Variants in INPP5F observed in about 807,000 individuals in gnomAD.
INPP5F encodes the protein inositol polyphosphate-5-phosphatase F.
INPP5F carries 97 observed loss-of-function variants against 137.2 expected under a neutral mutation model. The ratio of observed to expected loss-of-function variants is 0.71; its 90% confidence interval spans 0.60 to 0.84. The LOEUF (loss-of-function observed/expected upper bound fraction) is 0.84, where lower values mean the gene tolerates loss of function less well. Ranked by LOEUF, INPP5F falls within the 40% of genes least tolerant of loss-of-function variation. INPP5F has a pLI of 0.00. For missense variants in INPP5F, 1,271 were observed against 1,371.9 expected (o/e 0.93, Z 1.16); for synonymous variants, 504 against 476.9 (o/e 1.06, Z -0.74).
intron 1 of INPP5F, among the ~76,000 whole-genome samples, chr10:119,733,244 T>C (rs952947161): frequency 6.6e-6 from 1 of 152,080 alleles, no homozygotes; most frequent in Non-Finnish European, 1.5e-5. Flanking sequence ...GATAACTAGT[T>C]TGTTTGTTGA....
In INPP5F at chr10:119,823,065, T is replaced by C. The variant is rs776896221; in HGVS notation, c.2033-6T>C. 34 of 1,605,842 alleles carry C rather than the reference T, an allele frequency of 2.1e-5. No homozygotes were observed. In the South Asian group the frequency reaches 3.8e-4, roughly 18 times the overall value. ...TAACTTTATACGTATTCATTTGGGA[T>C]TTTAGGCCCTGAACCCACTCTTTTT... On this transcript the variant is annotated splice_region_variant and splice_polypyrimidine_tract_variant and intron_variant, in intron 17 of 19. Transcript: ENST00000650623.
chr10:119,763,962 GTCCAATAAC>G (rs1849080810), intron 2 of INPP5F, among the ~76,000 whole-genome samples: 2 of 152,134 alleles, frequency 1.3e-5, no homozygotes, highest in African/African-American at 4.8e-5. Context: ...TCTCCATATT[GTCCAATAAC>G]ACGTTCCTTA....
chr10:119,771,486 C>G (rs1007366313), intron 2 of INPP5F, among the ~76,000 whole-genome samples: 3 of 152,066 alleles, frequency 2.0e-5, no homozygotes, highest in African/African-American at 4.8e-5. Context: ...GCCTCCCTCA[C>G]TCCTCTGTCC....
At position 119,806,326 on chromosome 10, in the gene INPP5F, T is replaced by C. The variant is rs572263958; in HGVS notation, c.1320-34T>C. 7 of 1,400,534 alleles carry C rather than the reference T, an allele frequency of 5.0e-6. No individual in the cohort carries two copies. In the African/African-American group the frequency reaches 8.7e-5, roughly 17 times the overall value. 86.8% of individuals were successfully genotyped at this position (1,400,534 alleles called of 1,614,324 possible). On this transcript the variant is annotated intron_variant, in intron 11 of 19. Transcript: ENST00000650623. Reference sequence around the variant, plus strand: ...GTCTTTTGAAAACCCTATTATTTTATATTGTAAAATAATTCTGTATTATTT... The same window carrying C: ...GTCTTTTGAAAACCCTATTATTTTACATTGTAAAATAATTCTGTATTATTT...
intron 2 of INPP5F, among the ~76,000 whole-genome samples, chr10:119,765,851 G>A (rs1849145691): frequency 8.6e-6 from 1 of 115,738 alleles, no homozygotes; most frequent in Non-Finnish European, 1.7e-5. Context: ...TAATCTCTCT[G>A]TATACACTAT....
chr10:119,793,363 C>T (rs1850214570), intron 6 of INPP5F, among the ~76,000 whole-genome samples: 1 of 152,028 alleles, frequency 6.6e-6, no homozygotes, highest in South Asian at 2.1e-4. Context: ...CAACTTTAGC[C>T]ACCTTCCTAA....
At position 119,805,382 on chromosome 10, in the gene INPP5F, A is replaced by G; in HGVS notation, c.1242-2A>G. 1 of 1,609,968 alleles carries G rather than the reference A, an allele frequency of 6.2e-7. No homozygotes were observed. The highest frequency in any genetic ancestry group is 8.5e-7 in the Non-Finnish European group (1 of 1,176,978). On this transcript the variant is annotated splice_acceptor_variant, in intron 10 of 19. Transcript: ENST00000650623. LOFTEE classifies it high-confidence loss of function. ...TTTTCTTTCTTTTGGCATGGATTTTAGCCGAGGAATGAAGTTTGAGAATGT... is the reference window on the plus strand; with the variant it reads ...TTTTCTTTCTTTTGGCATGGATTTTGGCCGAGGAATGAAGTTTGAGAATGT...
chr10:119,776,388 T>C (rs1405377293), intron 2 of INPP5F, among the ~76,000 whole-genome samples: 1 of 151,850 alleles, frequency 6.6e-6, no homozygotes, highest in African/African-American at 2.4e-5. Context: ...TAAGTTGAGT[T>C]TAAGTATTGG....
chr10:119,792,477 G>A (rs1362972112), intron 6 of INPP5F, among the ~76,000 whole-genome samples: 23 of 151,862 alleles, frequency 1.5e-4, no homozygotes, highest in Non-Finnish European at 2.9e-5. Context: ...TTAAGGCTGT[G>A]GAACTCATGT....
chr10:119,773,447 C>T lies in INPP5F; in HGVS notation c.179-8188C>T, dbSNP rs540088765. 2.0e-4 allele frequency among the ~76,000 whole-genome samples: 30 copies of T among 152,284 alleles called. No homozygotes were observed. The South Asian group carries it at 4.8e-3, about 24-fold the overall frequency. ...CTGAGGTTTGGTCTTCTGTTGATCC[C>T]GTCACTCAAATAGTGAACATACTAC... On this transcript the variant is annotated intron_variant, in intron 2 of 19. Transcript: ENST00000650623.
chr10:119,726,311 C>G lies in INPP5F; in HGVS notation c.49C>G (p.Arg17Gly). Reference protein sequence around the residue: ...KDHYILQQGERALWCSRRDGG... With the variant: ...KDHYILQQGEGALWCSRRDGG... ...CCACTACATCCTGCAGCAGGGCGAG[C>G]GCGCGCTGTGGTGCAGCCGCCGCGA... The change falls in exon 1 of 20, where the codon CGC becomes GGC. Residue 17 changes from arginine to glycine, a missense_variant. Transcript: ENST00000650623. 1 of 1,484,320 alleles carries G rather than the reference C, an allele frequency of 6.7e-7. No individual in the cohort carries two copies. 91.9% of individuals were successfully genotyped at this position (1,484,320 alleles called of 1,614,324 possible).
chr10:119,785,284 C>CTTTTTTT (rs1440327192), intron 3 of INPP5F, among the ~76,000 whole-genome samples: 1 of 81,608 alleles, frequency 1.2e-5, no homozygotes, highest in African/African-American at 4.3e-5. Flanking sequence ...AACTGCCAGA[C>CTTTTTTT]TGTTTTTTTT....
In INPP5F at chr10:119,807,943, A is replaced by G; in HGVS notation, c.1452A>G (p.Leu484=). Residue 484 remains leucine (L), a synonymous_variant, in exon 13 of 20, where the codon TTA becomes TTG. Transcript: ENST00000650623. The part of the protein sequence containing the change: ...RVVMEQQLKK[L]GVMPPEQPLP... ...TGTGTTCATTTTAGCTGAAAAAATT[A>G]GGTGTGATGCCCCCGGAACAGCCAT... 1 of 1,610,000 alleles carries G rather than the reference A, an allele frequency of 6.2e-7. No individual in the cohort carries two copies. Among genetic ancestry groups the G allele is most frequent in the Non-Finnish European group, 8.5e-7 (1 of 1,178,580 alleles).
intron 1 of INPP5F, among the ~76,000 whole-genome samples, chr10:119,728,437 C>G (rs190591975): frequency 6.6e-6 from 1 of 152,258 alleles, no homozygotes; most frequent in East Asian, 1.9e-4. Flanking sequence ...TTAAAATTCT[C>G]TTTATTTTAT....
chr10:119,814,048 C>T (rs190101298), intron 15 of INPP5F, among the ~76,000 whole-genome samples: 1 of 152,178 alleles, frequency 6.6e-6, no homozygotes, highest in Non-Finnish European at 1.5e-5. Context: ...TAGAATTTGA[C>T]TTCCCGATAA....
chr10:119,767,123 A>G (rs1468862607), intron 2 of INPP5F, among the ~76,000 whole-genome samples: 1 of 150,146 alleles, frequency 6.7e-6, no homozygotes, highest in South Asian at 2.1e-4. Context: ...AAAAAAAAAA[A>G]AAAAAAAAAA....
chr10:119,780,846 G>A (rs1338204547), intron 2 of INPP5F, among the ~76,000 whole-genome samples: 1 of 152,146 alleles, frequency 6.6e-6, no homozygotes, highest in African/African-American at 2.4e-5. Context: ...TCAAGTATAT[G>A]AGAGGATGTG....
At chr10:119,786,636 C>T (rs573104056) in intron 3 of INPP5F, among the ~76,000 whole-genome samples, 1 of 152,116 alleles carries the variant, frequency 6.6e-6, no homozygotes, top group South Asian at 2.1e-4. Flanking sequence ...TTCAGCCCCC[C>T]AAGTGGCTGG....
chr10:119,792,503 A>C (rs1850181772), intron 6 of INPP5F, among the ~76,000 whole-genome samples: 1 of 152,040 alleles, frequency 6.6e-6, no homozygotes, highest in Non-Finnish European at 1.5e-5. Flanking sequence ...GACTTCCTGC[A>C]AAAGAGGTAT....
Sources: allele counts gnomAD v4.1 joint callset (sites outside exome capture counted in the v4.1 genomes callset), GRCh38; gene constraint gnomAD v4.1.1; transcripts MANE v1.5; gene names NCBI Gene and HGNC (gene_info 2026-07-23, HGNC 2026-07-21).